Variants in SVEP1 observed in about 807,000 individuals in gnomAD.
The protein encoded by SVEP1 is sushi, von Willebrand factor type A, EGF and pentraxin domain-containing protein 1.
Under a neutral mutation model 367.3 loss-of-function variants are expected in SVEP1, and 164 were observed. The observed-to-expected ratio is 0.45, with a 90% confidence interval of 0.39 to 0.51. SVEP1 has a LOEUF of 0.51. SVEP1 is among the 20% of genes least tolerant of loss of function. The pLI is 0.00. For missense variants in SVEP1, 4,117 were observed against 4,425.3 expected, an observed-to-expected ratio of 0.93 and a Z score of 1.98; for synonymous variants, 1,666 against 1,611.6, an observed-to-expected ratio of 1.03 and a Z score of -0.81.
At chr9:110,412,755 G>C (rs1261656688) in intron 36 of SVEP1, among the ~76,000 whole-genome samples, 2 of 152,166 alleles carry the variant, frequency 1.3e-5, no homozygotes, top group Admixed American at 1.3e-4. Flanking sequence ...CTTCTCAAAA[G>C]AAGACATTTA....
rs769030842 is a variant in SVEP1 at position 110,471,450 on chromosome 9, A to G, written c.2912T>C (p.Ile971Thr). The G allele has an allele frequency of 8.1e-6, 13 of 1,613,808 alleles. No individual in the cohort carries two copies. In the African/African-American group the frequency reaches 1.6e-4, roughly 20 times the overall value. Residue 971 changes from isoleucine (I) to threonine (T), a missense_variant, in exon 16 of 48, where the codon ATA (isoleucine) becomes ACA (threonine). Transcript: ENST00000374469. The stretch of plus-strand genomic sequence containing the variant: ...TAATGAATTGCTGTCGGCTATAAGT[A>G]TTTCTGATGCAAGCTGAAAGGAATA... ...PMYSFQLASE[I>T]LIADSNSLET...
At chr9:110,482,558 A>C in intron 10 of SVEP1, 66 bp from the exon 11 acceptor site, 1 of 1,528,402 alleles carries the variant, frequency 6.5e-7, no homozygotes, top group Non-Finnish European at 8.8e-7. Context: ...AAACAGTCTT[A>C]CTCTGTTGCC....
intron 36 of SVEP1, among the ~76,000 whole-genome samples, chr9:110,414,026 T>C (rs1828082361): frequency 6.6e-6 from 1 of 152,038 alleles, no homozygotes; most frequent in Non-Finnish European, 1.5e-5. Context: ...CAGAATTTGG[T>C]TGATCAGTTT....
chr9:110,430,761 G>A (rs1273315253), intron 32 of SVEP1, among the ~76,000 whole-genome samples: 1 of 152,290 alleles, frequency 6.6e-6, no homozygotes, highest in East Asian at 1.9e-4. Flanking sequence ...AAGGGCATTA[G>A]CCTCTTTCAT....
Position 110,389,574 on chromosome 9 carries a change from C to G in SVEP1, c.9836G>C (p.Arg3279Pro). The G allele has an allele frequency of 6.2e-7, 1 of 1,613,710 alleles. No homozygotes were observed. The highest frequency in any genetic ancestry group is 8.5e-7 in the Non-Finnish European group (1 of 1,179,744). Residue 3279 changes from arginine (R) to proline (P), a missense_variant, in exon 41 of 48, where the codon CGT becomes CCT. Arg to Pro is a moderately radical substitution (Grantham distance 103). This residue lies in a region of SVEP1 where 1,765 missense variants were observed against 1,781.1 expected (regional missense o/e 0.99). Coordinates refer to ENST00000374469, the MANE Select transcript of SVEP1 (RefSeq NM_153366.4). ...PGYELEGNRE[R>P]VCQENRQWSG... ...CCACTGTCTGTTCTCCTGGCAGACA[C>G]GTTCCCTGTTCCCCTGTGAAACAAT...
chr9:110,528,156 G>GTGTGTGTGTGTCTATATA, intron 3 of SVEP1, among the ~76,000 whole-genome samples: 1 of 33,940 alleles, frequency 2.9e-5, no homozygotes, highest in Non-Finnish European at 5.7e-5. Flanking sequence ...GTGTGTGTGT[G>GTGTGTGTGTGTCTATATA]TATATATATA....
chr9:110,508,858 T>C (rs914854114), intron 5 of SVEP1, among the ~76,000 whole-genome samples: 2 of 150,906 alleles, frequency 1.3e-5, no homozygotes, highest in African/African-American at 4.9e-5. Context: ...ATAGGAGAAG[T>C]GAGAATCAAG....
At chr9:110,418,799 G>A (rs575257593) in intron 36 of SVEP1, among the ~76,000 whole-genome samples, 4 of 106,226 alleles carry the variant, frequency 3.8e-5, no homozygotes, top group African/African-American at 6.7e-5. Flanking sequence ...AGAAGAGAGT[G>A]GGGGCCAATA....
intron 10 of SVEP1, among the ~76,000 whole-genome samples, chr9:110,482,991 C>CT (rs893274933): frequency 1.3e-5 from 2 of 151,954 alleles, no homozygotes; most frequent in Non-Finnish European, 2.9e-5. Flanking sequence ...TAAATTAAGG[C>CT]TTTTTTTGAC....
rs773563519 is a variant in SVEP1, at chr9:110,457,282, A to G, written c.3647T>C (p.Val1216Ala). Residue 1216 changes from valine (V) to alanine (A), a missense_variant, in exon 21 of 48, where the codon GTT becomes GCT. By Grantham distance (64) the Val-to-Ala change is moderately conservative. Coordinates refer to ENST00000374469, the MANE Select transcript of SVEP1 (RefSeq NM_153366.4). ...GTCQQLGRGY[V>A]CLCPLGYTGL... is the part of the protein sequence containing the mutation. ...TGTATATCCAAGTGGACAGAGACAA[A>G]CATAACCACGCCCAAGTTGCTGGCA... The G allele has an allele frequency of 2.5e-6, 4 of 1,612,408 alleles. No individual in the cohort carries two copies. In the African/African-American group the frequency reaches 4.0e-5, roughly 16 times the overall value.
intron 28 of SVEP1, among the ~76,000 whole-genome samples, chr9:110,435,707 G>A (rs1828421466): frequency 1.3e-5 from 2 of 152,172 alleles, no homozygotes; most frequent in Admixed American, 6.5e-5. Context: ...ACAGAATTGA[G>A]GAAGCTGAGG....
At chr9:110,479,839 ATGTT>A in intron 12 of SVEP1, 83 bp from the exon 13 acceptor site, 2 of 1,508,174 alleles carry the variant, frequency 1.3e-6, no homozygotes, top group Non-Finnish European at 1.8e-6. Flanking sequence ...AATTGAAACA[ATGTT>A]TTAATTCTAA....
chr9:110,482,776 C>T (rs1401637440), intron 10 of SVEP1, among the ~76,000 whole-genome samples: 1 of 152,184 alleles, frequency 6.6e-6, no homozygotes, highest in Non-Finnish European at 1.5e-5. Context: ...TATCTGCCCA[C>T]CTTGGCCTCT....
chr9:110,400,132 C>G (rs957722786), intron 40 of SVEP1, among the ~76,000 whole-genome samples: 4 of 152,126 alleles, frequency 2.6e-5, no homozygotes, highest in African/African-American at 9.7e-5. Flanking sequence ...CTTGGCATCT[C>G]AATGCCAAGG....
At chr9:110,473,347 CATAGAA>C (rs1326833958) in intron 14 of SVEP1, among the ~76,000 whole-genome samples, 7 of 152,160 alleles carry the variant, frequency 4.6e-5, no homozygotes, top group Non-Finnish European at 8.8e-5. Flanking sequence ...AATGCTACCA[CATAGAA>C]ATAATCACCA....
intron 39 of SVEP1, among the ~76,000 whole-genome samples, chr9:110,402,684 GAAC>G (rs1312759929): frequency 6.6e-6 from 1 of 152,122 alleles, no homozygotes; most frequent in Non-Finnish European, 1.5e-5. Context: ...CCAACCTGGA[GAAC>G]AACAATTTGA....
At position 110,406,378 on chromosome 9, in the gene SVEP1, G is replaced by C. The variant is rs757692485; in HGVS notation, c.9222C>G (p.Phe3074Leu). The C allele has an allele frequency of 6.2e-7, 1 of 1,614,052 alleles. No homozygotes were observed. The highest frequency in any genetic ancestry group is 8.5e-7 in the Non-Finnish European group (1 of 1,179,908). Residue 3074 changes from phenylalanine to leucine, a missense_variant, in exon 38 of 48, where the codon TTC (phenylalanine) becomes TTG (leucine). By Grantham distance (22) the Phe-to-Leu change is conservative. Around this residue, in one of 4 missense-constraint regions of SVEP1, gnomAD observed 1,765 missense variants for 1,781.1 expected, o/e 0.99. Transcript: ENST00000374469. ...CGSLPMIPNA[F>L]ISETSSWKEN... ...CCTTCCAAGAGCTGGTCTCACTGAT[G>C]AACGCATTTGGTATCATTGGAAGAG...
chr9:110,511,504 T>A (rs1320564917), intron 5 of SVEP1, among the ~76,000 whole-genome samples: 15,072 of 69,858 alleles, frequency 0.22, 1,355 homozygotes, highest in East Asian at 0.39. Flanking sequence ...TTTTTTTTTT[T>A]TTTTTTTTTT....
At chr9:110,401,453 C>T (rs1027979208) in intron 39 of SVEP1, among the ~76,000 whole-genome samples, 3 of 151,396 alleles carry the variant, frequency 2.0e-5, no homozygotes, top group African/African-American at 2.4e-5. Context: ...AGAAAATCAG[C>T]TTCCTTTTCT....
Sources: gnomAD v4.1 joint callset for allele counts (sites outside exome capture counted in the v4.1 genomes callset) on GRCh38, gnomAD v4.1.1 for gene constraint, gnomAD v4.1.1 regional missense constraint, MANE v1.5 for transcripts, NCBI Gene and HGNC (gene_info 2026-07-23, HGNC 2026-07-21) for gene names.